MARCHF1: variants seen among roughly 807,000 people sequenced by gnomAD.
MARCHF1 encodes the protein E3 ubiquitin-protein ligase MARCHF1.
Under a neutral mutation model 54.2 loss-of-function variants are expected in MARCHF1, and 40 were observed. The ratio of observed to expected loss-of-function variants is 0.74; its 90% CI spans 0.57 to 0.96. The LOEUF is 0.96. Ranked by LOEUF, MARCHF1 falls within the 40% of genes least tolerant of loss-of-function variation. The probability of loss-of-function intolerance (pLI) is 0.00; values close to 1 mark genes in which losing one functional copy is unlikely to be tolerated. For missense variants in MARCHF1, 586 were observed against 656.5 expected (o/e 0.89, Z 1.17); for synonymous variants, 236 against 236.3 (o/e 1.00, Z 0.01).
chr4:163,878,661 T>G (rs1750346621), intron 3 of MARCHF1, among the ~76,000 whole-genome samples: 1 of 151,934 alleles, frequency 6.6e-6, no homozygotes. Flanking sequence ...GGACTCTCCC[T>G]TAACCTAGTT....
At chr4:164,040,906 A>AACAATTTTTTTTT (rs1754114977) in intron 2 of MARCHF1, among the ~76,000 whole-genome samples, 1 of 152,082 alleles carries the variant, frequency 6.6e-6, no homozygotes, top group Non-Finnish European at 1.5e-5. Context: ...ATCTAATATA[A>AACAATTTTTTTTT]ATCCTGTGTT....
chr4:164,037,673 C>A (rs1754034050), intron 2 of MARCHF1, among the ~76,000 whole-genome samples: 1 of 152,096 alleles, frequency 6.6e-6, no homozygotes, highest in African/African-American at 2.4e-5. Context: ...GACTTCAATC[C>A]AATGAGTACA....
rs1738132409 is a variant in MARCHF1, at chr4:163,526,984, C to G, written c.*1764G>C. The G allele has an allele frequency of 6.6e-6, 1 of 151,148 alleles. No homozygotes were observed. Among genetic ancestry groups the G allele is most frequent in the East Asian group, 1.9e-4 (1 of 5,154 alleles). The allele number at this position is 151,148 out of a possible 1,614,324, so 9.4% of individuals were successfully genotyped here. ...TTTTTTTTTCCCTTTTTCCTATGAT[C>G]TGTGAAGAACAAGCACACTGATAAT... is the stretch of plus-strand genomic sequence containing the variant. On this transcript the variant is annotated 3_prime_UTR_variant, in exon 10 of 10. Transcript: ENST00000514618.
intron 1 of MARCHF1, among the ~76,000 whole-genome samples, chr4:164,160,286 G>A (rs1006478776): frequency 2.6e-5 from 4 of 152,044 alleles, no homozygotes; most frequent in Non-Finnish European, 5.9e-5. Flanking sequence ...TACACACCTA[G>A]GCTAAATGGT....
chr4:163,882,654 G>A (rs1195374850), intron 3 of MARCHF1, among the ~76,000 whole-genome samples: 1 of 151,920 alleles, frequency 6.6e-6, no homozygotes, highest in Non-Finnish European at 1.5e-5. Context: ...AAATTTTAAT[G>A]TTGACACCAC....
chr4:164,253,028 T>C (rs1341433436), intron 1 of MARCHF1, among the ~76,000 whole-genome samples: 1 of 151,942 alleles, frequency 6.6e-6, no homozygotes, highest in Non-Finnish European at 1.5e-5. Flanking sequence ...CAGTGTATCA[T>C]GAAAAGGATT....
At chr4:164,309,384 C>T (rs887261061) in intron 1 of MARCHF1, among the ~76,000 whole-genome samples, 10 of 151,956 alleles carry the variant, frequency 6.6e-5, no homozygotes, top group Admixed American at 5.9e-4. Context: ...ATAATGATGC[C>T]CCACTGACAG....
chr4:163,809,326 G>A (rs1345813593), intron 4 of MARCHF1, among the ~76,000 whole-genome samples: 1 of 152,158 alleles, frequency 6.6e-6, no homozygotes, highest in African/African-American at 2.4e-5. Flanking sequence ...CAAGAGGTTT[G>A]AGAAAAATCC....
intron 4 of MARCHF1, among the ~76,000 whole-genome samples, chr4:163,745,879 G>A (rs1214991257): frequency 5.9e-5 from 9 of 151,904 alleles, no homozygotes; most frequent in Admixed American, 2.0e-4. Flanking sequence ...GCCGTTTTAG[G>A]TTCATGGTAA....
intron 2 of MARCHF1, among the ~76,000 whole-genome samples, chr4:164,018,924 G>A (rs78178125): frequency 0.077 from 11,753 of 152,164 alleles, 627 homozygotes; most frequent in South Asian, 0.21. Context: ...TTTAAAATCC[G>A]TAATCCACAA....
intron 2 of MARCHF1, among the ~76,000 whole-genome samples, chr4:164,082,098 A>C (rs2111115333): frequency 6.6e-6 from 1 of 152,326 alleles, no homozygotes; most frequent in South Asian, 2.1e-4. Flanking sequence ...CAGCCCCAGG[A>C]GGCTACTTTC....
At chr4:164,151,085 C>T (rs1359501315) in intron 1 of MARCHF1, among the ~76,000 whole-genome samples, 3 of 152,144 alleles carry the variant, frequency 2.0e-5, no homozygotes, top group African/African-American at 7.2e-5. Flanking sequence ...CCTAGAGCCT[C>T]CAGAAAGAAC....
intron 1 of MARCHF1, chr4:164,197,256 A>C: frequency 1.9e-6 from 3 of 1,610,982 alleles, no homozygotes; most frequent in African/African-American, 1.3e-5. Context: ...TATCTGAGTA[A>C]GGGGCCTCCT....
At chr4:164,281,955 C>T (rs1024927113) in intron 1 of MARCHF1, among the ~76,000 whole-genome samples, 1 of 142,948 alleles carries the variant, frequency 7.0e-6, no homozygotes, top group Non-Finnish European at 1.5e-5. Context: ...ATCCCCACAC[C>T]AGTCACATGC....
intron 7 of MARCHF1, among the ~76,000 whole-genome samples, chr4:163,589,838 T>A (rs1158668132): frequency 6.6e-6 from 1 of 152,106 alleles, no homozygotes; most frequent in Non-Finnish European, 1.5e-5. Flanking sequence ...TTATTGGTGA[T>A]CCACATTGGT....
intron 5 of MARCHF1, among the ~76,000 whole-genome samples, chr4:163,670,448 T>A (rs1743697670): frequency 6.6e-6 from 1 of 151,818 alleles, no homozygotes; most frequent in East Asian, 1.9e-4. Flanking sequence ...ATGTGGAAAA[T>A]TTTATTTACA....
At position 163,890,670 on chromosome 4, in the gene MARCHF1, AT is replaced by A. The variant is rs937716461; in HGVS notation, c.-38-36502del. ...CAGGAGTGTTTCAGATTTAGATTTT[AT>A]TTTTTTGATTCGGGAGTATTTACAT... On this transcript the variant is annotated intron_variant, in intron 3 of 9. Coordinates refer to ENST00000514618, the MANE Select transcript of MARCHF1 (RefSeq NM_001394959.1). 1.1e-4 allele frequency among the ~76,000 whole-genome samples: 17 copies of A among 152,200 alleles called. 1 individual carries two copies. The highest frequency in any genetic ancestry group is 3.9e-4 in the African/African-American group (16 of 41,520).
At chr4:163,615,220 A>G (rs1203427157) in intron 5 of MARCHF1, among the ~76,000 whole-genome samples, 3 of 152,086 alleles carry the variant, frequency 2.0e-5, no homozygotes, top group Admixed American at 2.0e-4. Flanking sequence ...GATAGTAGTT[A>G]TAGGAAATTA....
At chr4:164,326,275 C>T (rs749388483) in intron 1 of MARCHF1, among the ~76,000 whole-genome samples, 1 of 152,128 alleles carries the variant, frequency 6.6e-6, no homozygotes, top group African/African-American at 2.4e-5. Context: ...AGTTGCCAGA[C>T]AATGAGATGC....
Sources: gnomAD v4.1 joint callset for allele counts (sites outside exome capture counted in the v4.1 genomes callset) on GRCh38, gnomAD v4.1.1 for gene constraint, MANE v1.5 for transcripts, NCBI Gene and HGNC (gene_info 2026-07-23, HGNC 2026-07-21) for gene names.